The following FHIP2B variants were observed in gnomAD, a reference collection of about 807,000 sequenced individuals.
FHIP2B encodes FHF complex subunit HOOK-interacting protein 2B.
A neutral mutation model predicts 84.0 loss-of-function variants in FHIP2B; 72 were observed. The ratio of observed to expected loss-of-function variants is 0.86; its 90% CI spans 0.71 to 1.04. The LOEUF (loss-of-function observed/expected upper bound fraction) is 1.04. Among genes scored for constraint, FHIP2B ranks in the 50% least tolerant of loss-of-function variants. The probability of loss-of-function intolerance (pLI) is 0.00; values close to 1 mark genes in which losing one functional copy is unlikely to be tolerated. For missense variants in FHIP2B, 972 were observed against 968.9 expected, an observed-to-expected ratio of 1.00 and a Z score of -0.04; for synonymous variants, 497 against 418.7, an observed-to-expected ratio of 1.19 and a Z score of -2.28.
rs1016858858 is a variant in FHIP2B, at chr8:22,101,089, C to G, written c.1616+117C>G. The G allele has an allele frequency of 2.3e-6, 3 of 1,332,796 alleles. No homozygotes were observed. The African/African-American group carries it at 4.4e-5, about 20-fold the overall frequency. The allele number at this position is 1,332,796 out of a possible 1,614,324, so 82.6% of individuals were successfully genotyped here. A position where few individuals can be genotyped will look rare whatever the true frequency, so the allele number is the denominator to read the frequency against. On this transcript the variant is annotated intron_variant, in intron 12 of 16. Coordinates refer to ENST00000289921, the MANE Select transcript of FHIP2B (RefSeq NM_022749.7). Reference sequence around the variant, plus strand: ...GGAGTGCAGTGGTACAATCTCGGCTCACTGCAACCTCCACCTCCCGGGTTC... The same window carrying G: ...GGAGTGCAGTGGTACAATCTCGGCTGACTGCAACCTCCACCTCCCGGGTTC...
At chr8:22,091,292 C>T (rs1235422868) in intron 1 of FHIP2B, among the ~76,000 whole-genome samples, 1 of 149,598 alleles carries the variant, frequency 6.7e-6, no homozygotes, top group Non-Finnish European at 1.5e-5. Flanking sequence ...TCCACTGTCA[C>T]CCAGGCTGGA....
At chr8:22,092,958 C>G (rs147259447) in intron 1 of FHIP2B, among the ~76,000 whole-genome samples, 5 of 152,310 alleles carry the variant, frequency 3.3e-5, no homozygotes, top group Non-Finnish European at 5.9e-5. Flanking sequence ...TTCTTGAGGA[C>G]TAGGTGTTAG....
chr8:22,098,411 C>T lies in FHIP2B; in HGVS notation c.769-12C>T, dbSNP rs1201176616. On this transcript the variant is annotated splice_polypyrimidine_tract_variant and intron_variant, in intron 6 of 16. Coordinates refer to ENST00000289921, the MANE Select transcript of FHIP2B (RefSeq NM_022749.7). ...ACATGCATGTCCCTGAAGTTGTATC[C>T]TCATCCCCTAGAAGAGTCGGGTGGC... The T allele has an allele frequency of 6.3e-7, 1 of 1,575,892 alleles. No homozygotes were observed. Among genetic ancestry groups the T allele is most frequent in the African/African-American group, 1.4e-5 (1 of 73,892 alleles).
chr8:22,094,954 TAGG>T (rs1467788729), intron 2 of FHIP2B: 16 of 987,694 alleles, frequency 1.6e-5, no homozygotes, highest in Admixed American at 6.0e-5. Context: ...AGATCTGGGG[TAGG>T]AGGAGAACGA....
rs140882816 is a variant in FHIP2B, at chr8:22,098,434, G to A, written c.780G>A (p.Val260=). ...LGLCQSKKSR[V]ALKAQENLLL... ...TCCTCATCCCCTAGAAGAGTCGGGT[G>A]GCCTTGAAGGCCCAGGAGAACCTGC... The change falls in exon 7 of 17, where the codon GTG becomes GTA. Residue 260 remains valine, a synonymous_variant. Coordinates refer to ENST00000289921, the MANE Select transcript of FHIP2B (RefSeq NM_022749.7). The A allele has an allele frequency of 9.2e-4, 1,472 of 1,595,970 alleles. 13 individuals carry two copies. The African/African-American group carries it at 0.018, about 20-fold the overall frequency.
rs1563598994 is a variant in FHIP2B at position 22,099,822 on chromosome 8, G to A, written c.1270G>A (p.Glu424Lys). Residue 424 changes from glutamate to lysine, a missense_variant, in exon 10 of 17, where the codon GAA becomes AAA. Glu to Lys is a moderately conservative substitution (Grantham distance 56). Coordinates refer to ENST00000289921, the MANE Select transcript of FHIP2B (RefSeq NM_022749.7). Reference protein sequence around the residue: ...AFLLGTDRQPEAPGDNPHTLY... With the variant: ...AFLLGTDRQPKAPGDNPHTLY... Reference sequence around the variant, plus strand: ...CCTCCTGGGCACAGACCGGCAGCCTGAAGCCCCCGGGGACAACCCCCACAC... The same window carrying A: ...CCTCCTGGGCACAGACCGGCAGCCTAAAGCCCCCGGGGACAACCCCCACAC... The A allele has an allele frequency of 6.2e-7, 1 of 1,613,060 alleles. No homozygotes were observed. Among genetic ancestry groups the A allele is most frequent in the South Asian group, 1.1e-5 (1 of 90,968 alleles).
chr8:22,102,599 G>C lies in FHIP2B; in HGVS notation c.2064G>C (p.Lys688Asn). 4 of 1,563,484 alleles carry C rather than the reference G, an allele frequency of 2.6e-6. No individual in the cohort carries two copies. Among genetic ancestry groups the C allele is most frequent in the Non-Finnish European group, 3.5e-6 (4 of 1,154,264 alleles). ...QFPGKLLLVR[K>N]QLTGQAPGEQ... ...CAGGCAAGCTGCTCCTGGTGCGCAA[G>C]CAGTTGACGGGCCAGGCTCCTGGGG... Residue 688 changes from lysine (K) to asparagine (N), a missense_variant, in exon 16 of 17, where the codon AAG becomes AAC. Transcript: ENST00000289921.
chr8:22,089,356 G>GCGGGCGCGGAGC (rs1825338133), intron 1 of FHIP2B, 58 bp downstream of exon 1: 1 of 959,520 alleles, frequency 1.0e-6, no homozygotes. Context: ...GCCGGGCTGG[G>GCGGGCGCGGAGC]CGGGCGCGGA....
At position 22,102,909 on chromosome 8, in the gene FHIP2B, C is replaced by A; in HGVS notation, c.2210C>A (p.Pro737Gln). 1 of 1,613,596 alleles carries A rather than the reference C, an allele frequency of 6.2e-7. No individual in the cohort carries two copies. The highest frequency in any genetic ancestry group is 8.5e-7 in the Non-Finnish European group (1 of 1,179,818). Residue 737 changes from proline to glutamine, a missense_variant, in exon 17 of 17, where the codon CCA becomes CAA. By Grantham distance (76) the Pro-to-Gln change is moderately conservative. Coordinates refer to ENST00000289921, the MANE Select transcript of FHIP2B (RefSeq NM_022749.7). ...CATGATCCTCGCCAGAACGTCTCCCCAGCCCCGGAAGGGCAGGTCTGAGCC... is the reference window on the plus strand; with the variant it reads ...CATGATCCTCGCCAGAACGTCTCCCAAGCCCCGGAAGGGCAGGTCTGAGCC... ...PPHDPRQNVS[P>Q]APEGQV
intron 1 of FHIP2B, chr8:22,089,738 T>G: frequency 8.0e-7 from 1 of 1,251,716 alleles, no homozygotes; most frequent in South Asian, 1.3e-5. Context: ...TCGCCGTCCC[T>G]TCCCCTCGGT....
rs1435024366 is a variant in FHIP2B, at chr8:22,089,265, G to A, written c.12G>A (p.Arg4=). 4.8e-6 allele frequency: 5 copies of A among 1,052,346 alleles called. No individual in the cohort carries two copies. The highest frequency in any genetic ancestry group is 5.7e-6 in the Non-Finnish European group (5 of 874,724). The allele number at this position is 1,052,346 out of a possible 1,614,324, so 65.2% of individuals were successfully genotyped here. The change falls in exon 1 of 17, where the codon CGG becomes CGA. Residue 4 remains arginine, a synonymous_variant. Coordinates refer to ENST00000289921, the MANE Select transcript of FHIP2B (RefSeq NM_022749.7). Reference sequence around the variant, plus strand: ...GGCCGGGCGCCATCATGCTGAGCCGGCTCGGGGCGCTGCTGCAGGAAGCCG... The same window carrying A: ...GGCCGGGCGCCATCATGCTGAGCCGACTCGGGGCGCTGCTGCAGGAAGCCG... MLS[R]LGALLQEAVG...
At position 22,102,938 on chromosome 8, in the gene FHIP2B, A is replaced by C. The variant is rs1320599122; in HGVS notation, c.*7A>C. 1 of 1,612,388 alleles carries C rather than the reference A, an allele frequency of 6.2e-7. No individual in the cohort carries two copies. Among genetic ancestry groups the C allele is most frequent in the Non-Finnish European group, 8.5e-7 (1 of 1,179,376 alleles). ...CCCGGAAGGGCAGGTCTGAGCCAGC[A>C]CCAGGGCGGTGGGAGACTCCTGTCC... On this transcript the variant is annotated 3_prime_UTR_variant, in exon 17 of 17. Transcript: ENST00000289921.
At position 22,102,063 on chromosome 8, in the gene FHIP2B, G is replaced by A. The variant is rs1249643510; in HGVS notation, c.1852-112G>A. The A allele has an allele frequency of 2.2e-5, 35 of 1,581,118 alleles. No homozygotes were observed. In the Middle Eastern group the frequency reaches 5.0e-4, roughly 23 times the overall value. ...GGAATCCATGACACACACACATCAC[G>A]TGAGCCTCCCACCCCCACACACGTT... On this transcript the variant is annotated intron_variant, in intron 14 of 16. Transcript: ENST00000289921.
In FHIP2B at chr8:22,089,203, A is replaced by C; in HGVS notation, c.-51A>C. ...GGCCACGGGGCTGCCTCCTCCGCCT[A>C]GAGCGCTGCCGCCGCCGCTTTCGCC... On this transcript the variant is annotated 5_prime_UTR_variant, in exon 1 of 17. Transcript: ENST00000289921. 1 of 1,046,046 alleles carries C rather than the reference A, an allele frequency of 9.6e-7. No individual in the cohort carries two copies. Among genetic ancestry groups the C allele is most frequent in the Non-Finnish European group, 1.2e-6 (1 of 868,564 alleles). 64.8% of individuals were successfully genotyped at this position (1,046,046 alleles called of 1,614,324 possible). A position where few individuals can be genotyped will look rare whatever the true frequency, so the allele number is the denominator to read the frequency against.
intron 1 of FHIP2B, among the ~76,000 whole-genome samples, chr8:22,092,593 CAGAAG>C (rs1825552072): frequency 7.9e-6 from 1 of 126,918 alleles, no homozygotes; most frequent in Non-Finnish European, 1.7e-5. Flanking sequence ...GACTCTGTCT[CAGAAG>C]AAAAAAAAAA....
Position 22,101,424 on chromosome 8 carries a change from G to A in FHIP2B, c.1617-16G>A, listed in dbSNP as rs772216756. 9.8e-5 allele frequency: 156 copies of A among 1,596,176 alleles called. No homozygotes were observed. The Middle Eastern group carries it at 1.7e-3, about 17-fold the overall frequency. ...GGTGAGCCGGGAGCGCCTCCACACCGGCTTCTATCTCTCAGTTTCCTGTGC... is the reference window on the plus strand; with the variant it reads ...GGTGAGCCGGGAGCGCCTCCACACCAGCTTCTATCTCTCAGTTTCCTGTGC... On this transcript the variant is annotated splice_polypyrimidine_tract_variant and intron_variant, in intron 12 of 16. Transcript: ENST00000289921.
At position 22,099,754 on chromosome 8, in the gene FHIP2B, G is replaced by A. The variant is rs770493760; in HGVS notation, c.1202G>A (p.Arg401His). 2.9e-5 allele frequency: 47 copies of A among 1,606,938 alleles called. No homozygotes were observed. Among genetic ancestry groups the A allele is most frequent in the South Asian group, 2.3e-4 (21 of 90,684 alleles). Residue 401 changes from arginine (R) to histidine (H), a missense_variant, in exon 10 of 17, where the codon CGC becomes CAC. Coordinates refer to ENST00000289921, the MANE Select transcript of FHIP2B (RefSeq NM_022749.7). ...ACCGCCCTCCTCACAGCCATGCTGCGCCAGCTTCGCTCCCCTGCGCTGCTG... is the reference window on the plus strand; with the variant it reads ...ACCGCCCTCCTCACAGCCATGCTGCACCAGCTTCGCTCCCCTGCGCTGCTG... ...TSTALLTAML[R>H]QLRSPALLRE...
Position 22,099,039 on chromosome 8 carries a change from A to C in FHIP2B, c.1057A>C (p.Ile353Leu). 6.2e-7 allele frequency: 1 copy of C among 1,603,320 alleles called. No individual in the cohort carries two copies. Among genetic ancestry groups the C allele is most frequent in the Non-Finnish European group, 8.5e-7 (1 of 1,174,626 alleles). The part of the protein sequence containing the change: ...LGWFDYCDHL[I>L]TEAHTVVADA... ...CTGGTTTGATTACTGCGACCACCTC[A>C]TCACAGAGGCACACACGGTGAGCAG... The change falls in exon 8 of 17, where the codon ATC becomes CTC. Residue 353 changes from isoleucine (I) to leucine (L), a missense_variant. Ile to Leu is a conservative substitution (Grantham distance 5). Transcript: ENST00000289921.
At position 22,103,427 on chromosome 8, in the gene FHIP2B, G is replaced by A. The variant is rs2131731551; in HGVS notation, c.*496G>A. Reference sequence around the variant, plus strand: ...TTTTGTCCCCTGCCTACATGGCTTGGCCCATGGAGAAGGAGCAGTGAATGG... The same window carrying A: ...TTTTGTCCCCTGCCTACATGGCTTGACCCATGGAGAAGGAGCAGTGAATGG... On this transcript the variant is annotated 3_prime_UTR_variant, in exon 17 of 17. Transcript: ENST00000289921. The A allele has an allele frequency of 6.5e-6, 1 of 153,850 alleles. No homozygotes were observed. The highest frequency in any genetic ancestry group is 3.4e-3 in the Middle Eastern group (1 of 294). The allele number at this position is 153,850 out of a possible 1,614,324, so 9.5% of individuals were successfully genotyped here. A position where few individuals can be genotyped will look rare whatever the true frequency, so the allele number is the denominator to read the frequency against.
Sources: allele counts gnomAD v4.1 joint callset (sites outside exome capture counted in the v4.1 genomes callset), GRCh38; gene constraint gnomAD v4.1.1; transcripts MANE v1.5; gene names NCBI Gene and HGNC (gene_info 2026-07-23, HGNC 2026-07-21).